Variants in PDE4D observed in about 807,000 individuals in gnomAD.
PDE4D encodes phosphodiesterase 4D, also known as 3',5'-cyclic-AMP phosphodiesterase 4D.
A neutral mutation model predicts 87.4 loss-of-function variants in PDE4D; 24 were observed. That is an observed-to-expected ratio of 0.27 (90% CI 0.20 to 0.39). PDE4D has a LOEUF of 0.39. Among genes scored for constraint, PDE4D ranks in the 10% least tolerant of loss-of-function variants. The probability of loss-of-function intolerance (pLI) is 1.00; values close to 1 mark genes in which losing one functional copy is unlikely to be tolerated. For missense variants in PDE4D, 714 were observed against 1,041.0 expected, an observed-to-expected ratio of 0.69 and a Z score of 4.32; for synonymous variants, 384 against 383.2, an observed-to-expected ratio of 1.00 and a Z score of -0.02.
intron 1 of PDE4D, among the ~76,000 whole-genome samples, chr5:59,753,008 T>A (rs145508384): frequency 8.6e-4 from 131 of 152,302 alleles, no homozygotes; most frequent in African/African-American, 3.0e-3. Flanking sequence ...AATGTCCATT[T>A]GTATATCTGG....
chr5:59,241,437 TTAAAAGGTGATTGTCC>T (rs1433152373), intron 1 of PDE4D, among the ~76,000 whole-genome samples: 2 of 152,202 alleles, frequency 1.3e-5, no homozygotes, highest in Non-Finnish European at 2.9e-5. Flanking sequence ...TGTCTGAGCC[TTAAAAGGTGATTGTCC>T]TATTCCTGAC....
At chr5:59,744,917 C>T (rs1282654917) in intron 1 of PDE4D, among the ~76,000 whole-genome samples, 2 of 152,172 alleles carry the variant, frequency 1.3e-5, no homozygotes, top group Non-Finnish European at 2.9e-5. Flanking sequence ...TAGACCCACA[C>T]ATCTGAGTAA....
At chr5:59,153,920 T>C (rs1779803369) in intron 5 of PDE4D, among the ~76,000 whole-genome samples, 1 of 152,072 alleles carries the variant, frequency 6.6e-6, no homozygotes, top group Non-Finnish European at 1.5e-5. Flanking sequence ...TGAGATAAAG[T>C]GAACCAGGCA....
intron 3 of PDE4D, among the ~76,000 whole-genome samples, chr5:59,967,087 T>C (rs1169158932): frequency 2.0e-5 from 3 of 152,156 alleles, no homozygotes; most frequent in Non-Finnish European, 2.9e-5. Context: ...CCAGGAATCA[T>C]AGTCACCTTC....
At chr5:59,839,238 C>G (rs1214509462) in intron 1 of PDE4D, among the ~76,000 whole-genome samples, 1 of 151,486 alleles carries the variant, frequency 6.6e-6, no homozygotes, top group African/African-American at 2.4e-5. Context: ...CTGAATGCCA[C>G]AGGCCTGGGG....
intron 5 of PDE4D, among the ~76,000 whole-genome samples, chr5:59,054,218 T>C (rs1227386983): frequency 1.3e-5 from 2 of 152,206 alleles, no homozygotes; most frequent in Non-Finnish European, 2.9e-5. Flanking sequence ...TTTCAACTTC[T>C]GTGATGACCA....
intron 2 of PDE4D, among the ~76,000 whole-genome samples, chr5:60,045,522 C>G (rs1239171365): frequency 2.0e-5 from 3 of 152,102 alleles, no homozygotes; most frequent in Non-Finnish European, 4.4e-5. Flanking sequence ...TTTAATCCAT[C>G]TTGAATTGAT....
At chr5:60,143,954 T>G (rs933671208) in intron 2 of PDE4D, among the ~76,000 whole-genome samples, 2 of 152,182 alleles carry the variant, frequency 1.3e-5, no homozygotes, top group Non-Finnish European at 2.9e-5. Flanking sequence ...GGCTGACTTC[T>G]GAAACACTTT....
At chr5:59,145,972 C>T (rs1259921746) in intron 5 of PDE4D, among the ~76,000 whole-genome samples, 2 of 152,178 alleles carry the variant, frequency 1.3e-5, no homozygotes, top group Middle Eastern at 3.4e-3. Context: ...ACTAAAAATA[C>T]AAAAATTAGC....
At chr5:59,826,963 G>GATGGATAGA (rs1218808726) in intron 1 of PDE4D, among the ~76,000 whole-genome samples, 13 of 152,110 alleles carry the variant, frequency 8.5e-5, no homozygotes, top group Non-Finnish European at 1.5e-5. Flanking sequence ...CACAGGAGAG[G>GATGGATAGA]ATTGATAGAA....
intron 1 of PDE4D, among the ~76,000 whole-genome samples, chr5:59,571,092 A>T (rs1583169105): frequency 1.3e-5 from 2 of 152,200 alleles, no homozygotes; most frequent in East Asian, 3.8e-4. Flanking sequence ...CCTGATGTAT[A>T]TTGGTATGAA....
At chr5:59,887,861 T>C (rs1240572051) in intron 1 of PDE4D, among the ~76,000 whole-genome samples, 1 of 152,190 alleles carries the variant, frequency 6.6e-6, no homozygotes, top group Non-Finnish European at 1.5e-5. Context: ...TTTTTAAATG[T>C]AATTTCCAAA....
intron 5 of PDE4D, among the ~76,000 whole-genome samples, chr5:59,102,413 A>G (rs1385087145): frequency 6.6e-6 from 1 of 152,120 alleles, no homozygotes; most frequent in Non-Finnish European, 1.5e-5. Flanking sequence ...TCTAAAATCC[A>G]GACATGTTTT....
intron 2 of PDE4D, chr5:60,022,821 T>TC (rs1329343370): frequency 6.6e-6 from 1 of 152,390 alleles, no homozygotes; most frequent in Non-Finnish European, 1.5e-5. Context: ...GTCTCCCTGG[T>TC]CCTCTAATTA....
intron 1 of PDE4D, among the ~76,000 whole-genome samples, chr5:59,559,059 T>C (rs1041813737): frequency 1.3e-5 from 2 of 152,156 alleles, no homozygotes; most frequent in African/African-American, 2.4e-5. Context: ...GAAATACTCA[T>C]ATTTAAATCA....
intron 3 of PDE4D, among the ~76,000 whole-genome samples, chr5:59,926,138 TA>T (rs199718997): frequency 1.3e-5 from 2 of 151,806 alleles, no homozygotes; most frequent in South Asian, 4.2e-4. Context: ...CTTAAAACAT[TA>T]AAAAAAATTG....
chr5:60,147,030 A>C (rs1476773957), intron 2 of PDE4D, among the ~76,000 whole-genome samples: 1 of 152,188 alleles, frequency 6.6e-6, no homozygotes, highest in East Asian at 1.9e-4. Flanking sequence ...AGTGTAAATT[A>C]ATACAAGCAC....
intron 2 of PDE4D, among the ~76,000 whole-genome samples, chr5:60,098,432 T>C (rs944821590): frequency 1.2e-4 from 18 of 152,068 alleles, no homozygotes; most frequent in Admixed American, 3.3e-4. Context: ...TATGTTTTCA[T>C]TCGTGTATTT....
chr5:59,701,102 C>T (rs72751224), intron 1 of PDE4D, among the ~76,000 whole-genome samples: 28,407 of 151,952 alleles, frequency 0.19, 3,142 homozygotes, highest in South Asian at 0.26. Context: ...ACTAAATCAT[C>T]CCTTCATCAC....
Sources: allele counts gnomAD v4.1 joint callset (sites outside exome capture counted in the v4.1 genomes callset), GRCh38; gene constraint gnomAD v4.1.1; transcripts MANE v1.5; gene names NCBI Gene and HGNC (gene_info 2026-07-23, HGNC 2026-07-21).